VPS13A: variants seen among roughly 807,000 people sequenced by gnomAD.
VPS13A encodes the protein intermembrane lipid transfer protein VPS13A.
A neutral mutation model predicts 390.9 loss-of-function variants in VPS13A; 264 were observed. The observed-to-expected ratio is 0.68, with a 90% CI of 0.61 to 0.75. The LOEUF (loss-of-function observed/expected upper bound fraction) is 0.75, where lower values mean the gene tolerates loss of function less well. VPS13A is among the 30% of genes least tolerant of loss of function. VPS13A has a pLI of 0.00. For missense variants in VPS13A, 3,409 were observed against 3,733.9 expected (o/e 0.91, Z 2.27); for synonymous variants, 1,231 against 1,227.1 (o/e 1.00, Z -0.07).
intron 10 of VPS13A, 67 bp from the exon 11 acceptor site, chr9:77,219,884 TTCA>T: frequency 6.6e-7 from 1 of 1,520,362 alleles, no homozygotes; most frequent in Non-Finnish European, 9.1e-7. Context: ...TGTTTTCAAC[TTCA>T]TCACTTTATT....
In VPS13A at chr9:77,303,079, A is replaced by G. The variant is rs1481692431; in HGVS notation, c.3960+17A>G. On this transcript the variant is annotated intron_variant, in intron 34 of 71. Coordinates refer to ENST00000360280, the MANE Select transcript of VPS13A (RefSeq NM_033305.3). ...CCAATGGAGGTAACTTTTTTTGGAT[A>G]CTTATCAATTTTTGTTTTGCTTGTT... The G allele has an allele frequency of 1.2e-6, 2 of 1,613,718 alleles. No individual in the cohort carries two copies. The highest frequency in any genetic ancestry group is 1.3e-5 in the African/African-American group (1 of 75,030).
At chr9:77,300,057 C>T (rs1828254120) in intron 33 of VPS13A, among the ~76,000 whole-genome samples, 1 of 152,128 alleles carries the variant, frequency 6.6e-6, no homozygotes, top group South Asian at 2.1e-4. Flanking sequence ...CAAACCTGCA[C>T]ATTCTGCACA....
At chr9:77,295,882 A>G (rs373317157) in intron 33 of VPS13A, 36 bp downstream of exon 33, 13 of 1,604,202 alleles carry the variant, frequency 8.1e-6, no homozygotes, top group South Asian at 7.7e-5. Context: ...GTGGAATGCA[A>G]TATTTTTCTA....
intron 70 of VPS13A, among the ~76,000 whole-genome samples, chr9:77,406,730 T>G (rs565493995): frequency 3.6e-5 from 5 of 138,644 alleles, no homozygotes; most frequent in African/African-American, 1.3e-4. Flanking sequence ...TCTTTTTTTT[T>G]TTTAATTAGA....
intron 68 of VPS13A, chr9:77,385,270 GA>G (rs1833633535): frequency 1.6e-6 from 1 of 614,642 alleles, no homozygotes; most frequent in South Asian, 7.3e-5. Context: ...GCCTCTCATG[GA>G]AGAGTAGATA....
At chr9:77,370,864 A>C in intron 65 of VPS13A, 26 bp from the exon 66 acceptor site, 1 of 1,612,072 alleles carries the variant, frequency 6.2e-7, no homozygotes, top group South Asian at 1.1e-5. Flanking sequence ...AAGTATTGTA[A>C]ATTTTCAGTT....
At chr9:77,302,223 G>T (rs1197455257) in intron 33 of VPS13A, among the ~76,000 whole-genome samples, 1 of 151,884 alleles carries the variant, frequency 6.6e-6, no homozygotes, top group Non-Finnish European at 1.5e-5. Flanking sequence ...CTCCCAAAGT[G>T]CTGGGATTAC....
rs562282747 is a variant in VPS13A, at chr9:77,405,724, T to TTAAA, written c.9276-138_9276-135dup. On this transcript the variant is annotated intron_variant, in intron 69 of 71. Transcript: ENST00000360280. The stretch of plus-strand genomic sequence containing the variant: ...GACACACTTTATGGTTCCAGTTCTT[T>TTAAA]TAAATTCATTAAGAATATAGAATAT... 272 of 1,149,552 alleles carry TTAAA rather than the reference T, an allele frequency of 2.4e-4. No individual in the cohort carries two copies. In the African/African-American group the frequency reaches 3.3e-3, roughly 14 times the overall value. 71.2% of individuals were successfully genotyped at this position (1,149,552 alleles called of 1,614,324 possible). A position where few individuals can be genotyped will look rare whatever the true frequency, so the allele number is the denominator to read the frequency against.
chr9:77,323,287 TAAAAAC>T, intron 45 of VPS13A, 60 bp downstream of exon 45: 1 of 1,559,078 alleles, frequency 6.4e-7, no homozygotes, highest in Non-Finnish European at 8.8e-7. Flanking sequence ...CTAATAAAAT[TAAAAAC>T]AACAACAACA....
intron 35 of VPS13A, among the ~76,000 whole-genome samples, chr9:77,309,181 A>G (rs75590992): frequency 3.3e-5 from 5 of 152,322 alleles, no homozygotes; most frequent in Admixed American, 3.3e-4. Flanking sequence ...AGTTGCTGGA[A>G]ATCCAAATAT....
intron 59 of VPS13A, among the ~76,000 whole-genome samples, chr9:77,364,690 G>A (rs566451497): frequency 9.7e-4 from 147 of 152,154 alleles, no homozygotes; most frequent in Non-Finnish European, 1.7e-3. Context: ...AAAACACCAC[G>A]GATTCGCTTT....
intron 34 of VPS13A, among the ~76,000 whole-genome samples, chr9:77,303,841 C>T (rs1828538113): frequency 6.6e-6 from 1 of 152,164 alleles, no homozygotes; most frequent in Admixed American, 6.5e-5. Flanking sequence ...CGCCTCCCAC[C>T]ATAGGGCGGT....
intron 23 of VPS13A, among the ~76,000 whole-genome samples, chr9:77,264,219 CAGGT>C (rs1237373447): frequency 2.0e-5 from 3 of 152,180 alleles, no homozygotes; most frequent in Non-Finnish European, 4.4e-5. Context: ...AGTTTGAAGT[CAGGT>C]AGCGTGATGC....
chr9:77,404,894 T>C (rs1361767994), intron 69 of VPS13A, among the ~76,000 whole-genome samples: 1 of 152,162 alleles, frequency 6.6e-6, no homozygotes, highest in Admixed American at 6.5e-5. Context: ...AATCCAGGAC[T>C]GGTAAAAGAG....
chr9:77,409,040 C>A (rs1375777998), intron 71 of VPS13A, among the ~76,000 whole-genome samples: 2 of 152,164 alleles, frequency 1.3e-5, no homozygotes, highest in Non-Finnish European at 2.9e-5. Flanking sequence ...CTGGGAGGCA[C>A]CCCCCAAGTA....
intron 46 of VPS13A, among the ~76,000 whole-genome samples, chr9:77,336,610 A>G (rs1830549495): frequency 6.6e-6 from 1 of 151,594 alleles, no homozygotes; most frequent in Non-Finnish European, 1.5e-5. Flanking sequence ...TCTTTCAGTT[A>G]TATATGCAAG....
chr9:77,271,343 A>G (rs1826343070), intron 23 of VPS13A, among the ~76,000 whole-genome samples: 1 of 152,198 alleles, frequency 6.6e-6, no homozygotes, highest in South Asian at 2.1e-4. Flanking sequence ...TAAAACTCTC[A>G]TATGTTACTT....
chr9:77,409,593 G>A (rs1199383921), intron 71 of VPS13A, among the ~76,000 whole-genome samples: 1 of 151,976 alleles, frequency 6.6e-6, no homozygotes, highest in Non-Finnish European at 1.5e-5. Context: ...CCAATGCAGA[G>A]AAGTCCTTAA....
At chr9:77,384,492 C>T (rs1256875655) in intron 68 of VPS13A, 9 of 1,559,486 alleles carry the variant, frequency 5.8e-6, no homozygotes, top group Admixed American at 5.0e-5. Flanking sequence ...ATTATTCTCA[C>T]TCTTTGAACA....
Sources: allele counts gnomAD v4.1 joint callset (sites outside exome capture counted in the v4.1 genomes callset), GRCh38; gene constraint gnomAD v4.1.1; transcripts MANE v1.5; gene names NCBI Gene and HGNC (gene_info 2026-07-23, HGNC 2026-07-21).